EXD3: variants seen among roughly 807,000 people sequenced by gnomAD.
EXD3 encodes exonuclease mut-7 homolog.
EXD3 carries 92 observed loss-of-function variants against 98.0 expected under a neutral mutation model. The observed-to-expected ratio is 0.94, with a 90% CI of 0.79 to 1.12. EXD3 has a LOEUF of 1.12. Ranked by LOEUF, EXD3 falls within the 50% of genes most tolerant of loss-of-function variation. The pLI is 0.00. For synonymous variants in EXD3, 569 were observed against 526.0 expected, an observed-to-expected ratio of 1.08 and a Z score of -1.12; for missense variants, 1,222 against 1,191.6, an observed-to-expected ratio of 1.03 and a Z score of -0.38.
intron 1 of EXD3, among the ~76,000 whole-genome samples, chr9:137,400,548 C>T (rs1389898206): frequency 6.6e-6 from 1 of 152,042 alleles, no homozygotes; most frequent in Non-Finnish European, 1.5e-5. Context: ...GGTGGATCAC[C>T]TGAGGTCGGG....
At chr9:137,313,290 T>C (rs1831463913) in intron 19 of EXD3, among the ~76,000 whole-genome samples, 1 of 152,088 alleles carries the variant, frequency 6.6e-6, no homozygotes, top group Admixed American at 6.5e-5. Flanking sequence ...TCCAAGAGAC[T>C]GGGCCAGGTG....
rs916716124 is a variant in EXD3 at position 137,338,872 on chromosome 9, A to G, written c.1998+9199T>C. Among the ~76,000 whole-genome samples the G allele has an allele frequency of 7.2e-4, 108 of 150,234 alleles. 1 individual carries two copies. Among genetic ancestry groups the G allele is most frequent in the Non-Finnish European group, 1.3e-3 (88 of 67,590 alleles). On this transcript the variant is annotated intron_variant, in intron 17 of 21. Coordinates refer to ENST00000340951, the MANE Select transcript of EXD3 (RefSeq NM_017820.5). ...CGCGCCACTGCACTCCAGCCTGGGC[A>G]ACAGAGCGAGACTCCATCTCAAAAA...
intron 17 of EXD3, among the ~76,000 whole-genome samples, chr9:137,333,395 T>C (rs963222425): frequency 6.6e-6 from 1 of 152,200 alleles, no homozygotes; most frequent in Non-Finnish European, 1.5e-5. Flanking sequence ...TCCTTTCGTA[T>C]GCACATCTAT....
chr9:137,319,039 C>T (rs539677802), intron 19 of EXD3, among the ~76,000 whole-genome samples: 3 of 152,240 alleles, frequency 2.0e-5, no homozygotes, highest in Non-Finnish European at 4.4e-5. Context: ...AAAGTCAGCC[C>T]GGCGGCAGGC....
At chr9:137,355,031 C>T (rs1231148375) in intron 8 of EXD3, among the ~76,000 whole-genome samples, 1 of 152,174 alleles carries the variant, frequency 6.6e-6, no homozygotes, top group African/African-American at 2.4e-5. Flanking sequence ...TCTGGGGCCT[C>T]CCTGTCTTTC....
At chr9:137,356,018 C>T (rs890755353) in intron 8 of EXD3, among the ~76,000 whole-genome samples, 4 of 152,194 alleles carry the variant, frequency 2.6e-5, no homozygotes, top group Non-Finnish European at 4.4e-5. Flanking sequence ...AGGCAGGAAG[C>T]CCTCCCGGAG....
In EXD3 at chr9:137,393,335, C is replaced by A. The variant is rs757016118; in HGVS notation, c.55+1968G>T. ...CCAGGGGAGGTAACAGGGCCTCATCCCACACAGGTGCAGGCCCGGGGCCCG... is the reference window on the plus strand; with the variant it reads ...CCAGGGGAGGTAACAGGGCCTCATCACACACAGGTGCAGGCCCGGGGCCCG... On this transcript the variant is annotated intron_variant, in intron 2 of 21. Transcript: ENST00000340951. This position sits in a 1 kb window ranked among gnomAD's most constrained non-coding sequence, Gnocchi z 4.6. 24 of 684,622 alleles carry A rather than the reference C, an allele frequency of 3.5e-5. No homozygotes were observed. Among genetic ancestry groups the A allele is most frequent in the Non-Finnish European group, 4.8e-5 (18 of 374,360 alleles). 42.4% of individuals were successfully genotyped at this position (684,622 alleles called of 1,614,324 possible).
chr9:137,354,234 G>A (rs1315603597), intron 10 of EXD3, 105 bp downstream of exon 10: 44 of 1,520,252 alleles, frequency 2.9e-5, no homozygotes, highest in Non-Finnish European at 3.6e-5. Context: ...CAGCCCCAGC[G>A]AAGGCCTCAG....
Position 137,340,658 on chromosome 9 carries a change from G to A in EXD3, c.1998+7413C>T, listed in dbSNP as rs532423557. 2.6e-5 allele frequency among the ~76,000 whole-genome samples: 4 copies of A among 152,116 alleles called. No homozygotes were observed. In the South Asian group the frequency reaches 8.3e-4, roughly 32 times the overall value. On this transcript the variant is annotated intron_variant, in intron 17 of 21. Coordinates refer to ENST00000340951, the MANE Select transcript of EXD3 (RefSeq NM_017820.5). ...TCATCCCACCTCGGTCCCCCAGGTG[G>A]CCAGGACCACAGGTGTGCACCACCA...
intron 1 of EXD3, among the ~76,000 whole-genome samples, chr9:137,400,752 G>A (rs1475971294): frequency 3.3e-5 from 5 of 150,082 alleles, no homozygotes; most frequent in South Asian, 2.1e-4. Flanking sequence ...GCAACAGAGC[G>A]AGACTCCATC....
chr9:137,415,692 G>A (rs1166219170), intron 1 of EXD3, among the ~76,000 whole-genome samples: 1 of 152,152 alleles, frequency 6.6e-6, no homozygotes, highest in Non-Finnish European at 1.5e-5. Flanking sequence ...CACATGTTGG[G>A]GTCACCATCA....
At chr9:137,413,321 C>T (rs899467317) in intron 1 of EXD3, among the ~76,000 whole-genome samples, 9 of 152,084 alleles carry the variant, frequency 5.9e-5, no homozygotes, top group African/African-American at 2.2e-4. Flanking sequence ...CTGCCTCAGC[C>T]TCCCGAGTAG....
chr9:137,409,703 T>A (rs1446791586), intron 1 of EXD3, among the ~76,000 whole-genome samples: 1 of 152,160 alleles, frequency 6.6e-6, no homozygotes, highest in Non-Finnish European at 1.5e-5. Context: ...TCAGTTCACA[T>A]TCCCTCGCTG....
intron 16 of EXD3, among the ~76,000 whole-genome samples, chr9:137,348,551 G>T (rs1834062369): frequency 8.5e-6 from 1 of 117,984 alleles, no homozygotes; most frequent in Non-Finnish European, 1.8e-5. Context: ...GAGGGGGTTA[G>T]ATAGAGAGGG....
chr9:137,402,294 G>A (rs1445982604), intron 1 of EXD3, among the ~76,000 whole-genome samples: 1 of 152,224 alleles, frequency 6.6e-6, no homozygotes, highest in Admixed American at 6.5e-5. Context: ...GATTACAGGT[G>A]TGAGCCATTG....
intron 17 of EXD3, among the ~76,000 whole-genome samples, chr9:137,346,238 C>CAAAAAAAA (rs563761495): frequency 0.029 from 392 of 13,606 alleles, 40 homozygotes; most frequent in East Asian, 0.043. Flanking sequence ...GACTCCGTCT[C>CAAAAAAAA]AAAAAAAAAA....
At chr9:137,341,278 C>T (rs938330541) in intron 17 of EXD3, among the ~76,000 whole-genome samples, 7 of 152,192 alleles carry the variant, frequency 4.6e-5, no homozygotes, top group African/African-American at 1.4e-4. Flanking sequence ...GATCACACCA[C>T]TACACTCTAG....
intron 10 of EXD3, chr9:137,353,583 G>A (rs1834428922): frequency 1.0e-6 from 1 of 985,808 alleles, no homozygotes; most frequent in South Asian, 4.7e-5. Flanking sequence ...TCACCAGGGT[G>A]AGCTCTCTCC....
At chr9:137,345,713 T>C (rs984039147) in intron 17 of EXD3, 16 of 148,738 alleles carry the variant, frequency 1.1e-4, no homozygotes, top group African/African-American at 3.9e-4. Context: ...AAAAGCTCCA[T>C]AGAAGCCAAA....
Sources: gnomAD v4.1 joint callset for allele counts (sites outside exome capture counted in the v4.1 genomes callset) on GRCh38, gnomAD v4.1.1 for gene constraint, Gnocchi (gnomAD v3.1) non-coding constraint, MANE v1.5 for transcripts, NCBI Gene and HGNC (gene_info 2026-07-23, HGNC 2026-07-21) for gene names.